The following SLC25A29 variants were observed in gnomAD, a reference collection of about 807,000 sequenced individuals.
The protein encoded by SLC25A29 is solute carrier family 25 member 29.
A neutral mutation model predicts 10.0 loss-of-function variants in SLC25A29; 13 were observed. The ratio of observed to expected loss-of-function variants is 1.30; its 90% CI spans 0.85 to 2.07. SLC25A29 has a LOEUF of 2.07. SLC25A29 is among the 30% of genes most tolerant of loss of function. The probability of loss-of-function intolerance (pLI) is 0.00; values close to 1 mark genes in which losing one functional copy is unlikely to be tolerated. For missense variants in SLC25A29, 475 were observed against 447.6 expected (o/e 1.06, Z -0.55); for synonymous variants, 244 against 221.1 (o/e 1.10, Z -0.92).
intron 2 of SLC25A29, among the ~76,000 whole-genome samples, chr14:100,296,887 T>C (rs1467831108): frequency 1.3e-5 from 2 of 152,020 alleles, no homozygotes; most frequent in East Asian, 1.9e-4. Context: ...CATGAGCCAC[T>C]AGCCTGGCCA....
intron 2 of SLC25A29, chr14:100,296,290 A>G (rs1892144062): frequency 6.4e-6 from 2 of 310,244 alleles, no homozygotes; most frequent in Non-Finnish European, 1.3e-5. Flanking sequence ...TGAGCTAGGC[A>G]TGGTGGTGTG....
intron 1 of SLC25A29, among the ~76,000 whole-genome samples, chr14:100,302,235 G>A (rs1414529715): frequency 4.6e-5 from 7 of 151,954 alleles, no homozygotes; most frequent in African/African-American, 1.2e-4. Flanking sequence ...TAGTAGAGGC[G>A]GGGTTTTGCC....
Position 100,306,256 on chromosome 14 carries a change from C to A in SLC25A29, c.-24G>T. On this transcript the variant is annotated 5_prime_UTR_variant, in exon 1 of 4. The change creates a new upstream start codon in the 5' untranslated region. Transcript: ENST00000359232. The stretch of plus-strand genomic sequence containing the variant: ...ATGGCCGGGTCCCCGGCGAGGCCGC[C>A]TTTCCTCCTCGTCCTCCCCCTGAGG... 6.8e-7 allele frequency: 1 copy of A among 1,477,114 alleles called. No individual in the cohort carries two copies. The allele number at this position is 1,477,114 out of a possible 1,614,324, so 91.5% of individuals were successfully genotyped here. A position where few individuals can be genotyped will look rare whatever the true frequency, so the allele number is the denominator to read the frequency against.
intron 2 of SLC25A29, chr14:100,295,800 G>A (rs1185093346): frequency 7.8e-7 from 1 of 1,289,556 alleles, no homozygotes; most frequent in East Asian, 5.6e-5. Flanking sequence ...CCCATCCCAT[G>A]CCCAGGGATG....
chr14:100,285,004 A>C, the SLC25A29 span, among the ~76,000 whole-genome samples: 1 of 127,108 alleles, frequency 7.9e-6, no homozygotes, highest in Non-Finnish European at 1.6e-5. Flanking sequence ...GCGCCACTGC[A>C]CTCTAGCCTG....
At chr14:100,293,186 G>A in intron 3 of SLC25A29, 108 bp downstream of exon 3, 1 of 1,476,120 alleles carries the variant, frequency 6.8e-7, no homozygotes, top group Non-Finnish European at 9.1e-7. Flanking sequence ...CTGGCCTCCT[G>A]GTCGTCCTGA....
rs998231711 is a variant in SLC25A29 at position 100,300,048 on chromosome 14, A to T, written c.35-1163T>A. Reference sequence around the variant, plus strand: ...CACTTTGGGAGGCCAAGGTGGGCAGATCACTTGAGATCAGGAGTTCAAAAC... The same window carrying T: ...CACTTTGGGAGGCCAAGGTGGGCAGTTCACTTGAGATCAGGAGTTCAAAAC... On this transcript the variant is annotated intron_variant, in intron 1 of 3. Coordinates refer to ENST00000359232, the MANE Select transcript of SLC25A29 (RefSeq NM_001039355.3). 1.3e-5 allele frequency: 10 copies of T among 753,936 alleles called. No individual in the cohort carries two copies. In the African/African-American group the frequency reaches 1.7e-4, roughly 13 times the overall value. The allele number at this position is 753,936 out of a possible 1,614,324, so 46.7% of individuals were successfully genotyped here.
Position 100,300,584 on chromosome 14 carries a change from C to A in SLC25A29, c.35-1699G>T, listed in dbSNP as rs572257279. The stretch of plus-strand genomic sequence containing the variant: ...TTTTGGCAGGATGGGTCTTGCCATG[C>A]TGCCCAGGCTTTGTTCAAGAAAACT... On this transcript the variant is annotated intron_variant, in intron 1 of 3. Coordinates refer to ENST00000359232, the MANE Select transcript of SLC25A29 (RefSeq NM_001039355.3). Among the ~76,000 whole-genome samples the A allele has an allele frequency of 4.6e-5, 7 of 152,194 alleles. No individual in the cohort carries two copies. The South Asian group carries it at 1.5e-3, about 32-fold the overall frequency.
intron 2 of SLC25A29, 32 bp from the exon 3 acceptor site, chr14:100,293,409 A>G (rs778038826): frequency 1.2e-6 from 2 of 1,601,616 alleles, no homozygotes; most frequent in South Asian, 2.2e-5. Context: ...AGAGGCAGGC[A>G]GGCAGGACCA....
At chr14:100,287,194 C>T (rs957955741), downstream of SLC25A29, among the ~76,000 whole-genome samples, 2 of 152,268 alleles carry the variant, frequency 1.3e-5, no homozygotes, top group Non-Finnish European at 2.9e-5. Context: ...TCCATTCACT[C>T]CATGCACCTG....
chr14:100,289,542 C>T (rs1004604566), downstream of SLC25A29, among the ~76,000 whole-genome samples: 2 of 152,050 alleles, frequency 1.3e-5, no homozygotes, highest in African/African-American at 4.8e-5. Flanking sequence ...TCACTTATTC[C>T]AAATCAATTG....
chr14:100,286,102 G>T, the SLC25A29 span, among the ~76,000 whole-genome samples: 1 of 152,162 alleles, frequency 6.6e-6, no homozygotes, highest in Non-Finnish European at 1.5e-5. Flanking sequence ...CCCCAAGCGT[G>T]TTCTGGCCTC....
At chr14:100,293,119 G>C in intron 3 of SLC25A29, 87 bp from the exon 4 acceptor site, 1 of 1,456,800 alleles carries the variant, frequency 6.9e-7, no homozygotes, top group Non-Finnish European at 9.1e-7. Context: ...GGCAGCCCCA[G>C]CCCACCCCAG....
intron 2 of SLC25A29, chr14:100,294,128 A>G (rs1442352554): frequency 1.3e-5 from 2 of 152,256 alleles, no homozygotes; most frequent in Admixed American, 1.3e-4. Context: ...AAATAAAAAT[A>G]AAAGCAATGA....
chr14:100,300,121 A>C (rs1032921650), intron 1 of SLC25A29: 2 of 230,708 alleles, frequency 8.7e-6, no homozygotes, highest in South Asian at 1.6e-4. Flanking sequence ...AAATACAAAA[A>C]TTAGCCAGGT....
At chr14:100,302,007 C>A (rs1892589896) in intron 1 of SLC25A29, among the ~76,000 whole-genome samples, 1 of 151,830 alleles carries the variant, frequency 6.6e-6, no homozygotes, top group Admixed American at 6.6e-5. Context: ...CTCCTTCAAT[C>A]TTGGGGTCTC....
At chr14:100,296,041 C>T (rs1323014483) in intron 2 of SLC25A29, 1 of 1,283,568 alleles carries the variant, frequency 7.8e-7, no homozygotes, top group Non-Finnish European at 1.0e-6. Flanking sequence ...AGTCTGTGGC[C>T]ATGTGACAGT....
chr14:100,283,552 C>G, the SLC25A29 span, among the ~76,000 whole-genome samples: 1 of 144,704 alleles, frequency 6.9e-6, no homozygotes, highest in Non-Finnish European at 1.5e-5. Flanking sequence ...GGCGCGCAAT[C>G]TCAGCTCACT....
At chr14:100,294,132 GC>G (rs1473714535) in intron 2 of SLC25A29, 1 of 152,210 alleles carries the variant, frequency 6.6e-6, no homozygotes, top group Non-Finnish European at 1.5e-5. Flanking sequence ...AAAAATAAAA[GC>G]AATGACCTTG....
Sources: gnomAD v4.1 joint callset for allele counts (sites outside exome capture counted in the v4.1 genomes callset) on GRCh38, gnomAD v4.1.1 for gene constraint, MANE v1.5 for transcripts, NCBI Gene and HGNC (gene_info 2026-07-23, HGNC 2026-07-21) for gene names.